NRG3: variants seen among roughly 807,000 people sequenced by gnomAD.
NRG3 encodes pro-neuregulin-3, membrane-bound isoform.
A neutral mutation model predicts 66.9 loss-of-function variants in NRG3; 31 were observed. The observed-to-expected ratio is 0.46, with a 90% CI of 0.35 to 0.63. NRG3 has a LOEUF of 0.63. Among genes scored for constraint, NRG3 ranks in the 20% least tolerant of loss-of-function variants. The probability of loss-of-function intolerance (pLI) is 0.00; values close to 1 mark genes in which losing one functional copy is unlikely to be tolerated. For missense variants in NRG3, 910 were observed against 878.9 expected (o/e 1.04, Z -0.45); for synonymous variants, 393 against 359.4 (o/e 1.09, Z -1.06).
At chr10:82,520,839 GGTGTTC>G (rs1241691317) in intron 2 of NRG3, among the ~76,000 whole-genome samples, 1 of 152,108 alleles carries the variant, frequency 6.6e-6, no homozygotes, top group Admixed American at 6.5e-5. Context: ...AAAATCCACT[GGTGTTC>G]GGGTATAAAC....
In NRG3 at chr10:82,951,563, C is replaced by T. The variant is rs143902817; in HGVS notation, c.1149C>T (p.Phe383=). The change falls in exon 5 of 9, where the codon TTC becomes TTT. Residue 383 remains phenylalanine, a synonymous_variant. Transcript: ENST00000372141. ...IVGMFCAAFY[F]KSKKQAKQIQ... is the part of the protein sequence containing the mutation. ...GCATGTTCTGTGCAGCATTCTACTT[C>T]AAAAGCAAGTAAGACTATTTCTCTC... 240 of 1,612,622 alleles carry T rather than the reference C, an allele frequency of 1.5e-4. 1 individual carries two copies. Among genetic ancestry groups the T allele is most frequent in the Non-Finnish European group, 2.0e-4 (232 of 1,178,894 alleles).
intron 2 of NRG3, among the ~76,000 whole-genome samples, chr10:82,569,950 T>C (rs2133103224): frequency 6.6e-6 from 1 of 151,788 alleles, no homozygotes; most frequent in South Asian, 2.1e-4. Context: ...GTGTTTATTT[T>C]TTTCTGCAAA....
intron 1 of NRG3, among the ~76,000 whole-genome samples, chr10:82,244,980 T>G (rs1019972484): frequency 1.3e-5 from 2 of 152,130 alleles, no homozygotes; most frequent in Non-Finnish European, 2.9e-5. Context: ...TCTGCCCTCC[T>G]CAGCCTCCCA....
At chr10:82,957,446 C>G (rs1850161074) in intron 5 of NRG3, among the ~76,000 whole-genome samples, 1 of 151,818 alleles carries the variant, frequency 6.6e-6, no homozygotes, top group African/African-American at 2.4e-5. Flanking sequence ...AGGCAAAATT[C>G]AAGGGCATGA....
intron 1 of NRG3, among the ~76,000 whole-genome samples, chr10:81,995,734 G>C (rs2060913507): frequency 6.6e-6 from 1 of 152,118 alleles, no homozygotes; most frequent in East Asian, 1.9e-4. Context: ...GTGAATGATA[G>C]ACCACCCACT....
At chr10:81,955,261 G>T (rs1049222480) in intron 1 of NRG3, among the ~76,000 whole-genome samples, 1 of 151,434 alleles carries the variant, frequency 6.6e-6, no homozygotes, top group East Asian at 1.9e-4. Context: ...GTGGAAGCTG[G>T]ATCTGGTTAA....
chr10:82,233,359 C>T (rs1180280922), intron 1 of NRG3, among the ~76,000 whole-genome samples: 1 of 152,024 alleles, frequency 6.6e-6, no homozygotes, highest in Non-Finnish European at 1.5e-5. Context: ...AGCGAGACTC[C>T]ATCTCAAAAA....
At chr10:81,915,098 A>G (rs1845551305) in intron 1 of NRG3, among the ~76,000 whole-genome samples, 1 of 152,314 alleles carries the variant, frequency 6.6e-6, no homozygotes, top group Non-Finnish European at 1.5e-5. Context: ...TTTGCTTCTC[A>G]TTAAGGGACT....
intron 1 of NRG3, among the ~76,000 whole-genome samples, chr10:82,214,772 A>G (rs1427847992): frequency 6.6e-6 from 1 of 152,168 alleles, no homozygotes; most frequent in Non-Finnish European, 1.5e-5. Flanking sequence ...GACCAGCCCC[A>G]TCACTTCTTT....
intron 4 of NRG3, among the ~76,000 whole-genome samples, chr10:82,877,314 C>T (rs373037533): frequency 6.8e-6 from 1 of 146,206 alleles, no homozygotes; most frequent in African/African-American, 2.5e-5. Context: ...AGGCCAGCTA[C>T]AATAAGTCAA....
rs561277172 is a variant in NRG3 at position 82,760,378 on chromosome 10, C to T, written c.1027+21728C>T. Among the ~76,000 whole-genome samples, 37 of 152,136 alleles carry T rather than the reference C, an allele frequency of 2.4e-4. No homozygotes were observed. In the South Asian group the frequency reaches 6.8e-3, roughly 28 times the overall value. ...AAAATCTTCATAAGAGAATTGTCAG[C>T]AGATGTAGAAATCAATCCAGAATGC... On this transcript the variant is annotated intron_variant, in intron 3 of 8. Transcript: ENST00000372141.
chr10:82,258,371 TCTC>T (rs1221124984), intron 1 of NRG3, among the ~76,000 whole-genome samples: 1 of 152,208 alleles, frequency 6.6e-6, no homozygotes, highest in Non-Finnish European at 1.5e-5. Context: ...AGTCCATTAT[TCTC>T]CTGTGAAGTT....
chr10:82,623,369 A>G (rs781563381), intron 2 of NRG3, among the ~76,000 whole-genome samples: 17 of 152,146 alleles, frequency 1.1e-4, no homozygotes, highest in Non-Finnish European at 7.3e-5. Context: ...GTCTGTCTGA[A>G]CTACTTCTCC....
intron 2 of NRG3, among the ~76,000 whole-genome samples, chr10:82,619,167 T>G (rs2133590456): frequency 6.6e-6 from 1 of 152,284 alleles, no homozygotes; most frequent in South Asian, 2.1e-4. Flanking sequence ...TTAATGTAAG[T>G]TAGAGAAAAT....
intron 2 of NRG3, among the ~76,000 whole-genome samples, chr10:82,367,011 T>C (rs2084577119): frequency 6.6e-6 from 1 of 152,236 alleles, no homozygotes; most frequent in Admixed American, 6.5e-5. Flanking sequence ...CGTGTTCGAC[T>C]CTACCTAGAC....
intron 2 of NRG3, among the ~76,000 whole-genome samples, chr10:82,640,607 A>G (rs1429599580): frequency 6.6e-6 from 1 of 152,194 alleles, no homozygotes; most frequent in Non-Finnish European, 1.5e-5. Flanking sequence ...TCCATTTCAC[A>G]TGAAGATGGA....
intron 2 of NRG3, among the ~76,000 whole-genome samples, chr10:82,368,022 A>G (rs1365618337): frequency 6.6e-6 from 1 of 152,140 alleles, no homozygotes; most frequent in Non-Finnish European, 1.5e-5. Context: ...AAATAAGTAA[A>G]TAAATAAATA....
At chr10:82,214,662 G>T (rs989820305) in intron 1 of NRG3, among the ~76,000 whole-genome samples, 1 of 152,076 alleles carries the variant, frequency 6.6e-6, no homozygotes, top group Non-Finnish European at 1.5e-5. Flanking sequence ...AGAGATGGGG[G>T]TCTTGATATG....
intron 1 of NRG3, chr10:81,877,887 C>A (rs991759436): frequency 3.3e-6 from 5 of 1,533,068 alleles, no homozygotes; most frequent in Non-Finnish European, 4.4e-6. Flanking sequence ...TGAACATATT[C>A]AATGGATTGA....
Sources: allele counts gnomAD v4.1 joint callset (sites outside exome capture counted in the v4.1 genomes callset), GRCh38; gene constraint gnomAD v4.1.1; transcripts MANE v1.5; gene names NCBI Gene and HGNC (gene_info 2026-07-23, HGNC 2026-07-21).